Variants in PDE4B observed in about 807,000 individuals in gnomAD.
PDE4B encodes the protein phosphodiesterase 4B.
PDE4B carries 20 observed loss-of-function variants against 82.2 expected under a neutral mutation model. The observed-to-expected ratio is 0.24, with a 90% CI of 0.17 to 0.35. The LOEUF is 0.35. PDE4B is among the 10% of genes least tolerant of loss of function. PDE4B has a pLI of 1.00. For synonymous variants in PDE4B, 320 were observed against 318.9 expected, an observed-to-expected ratio of 1.00 and a Z score of -0.04; for missense variants, 655 against 907.2, an observed-to-expected ratio of 0.72 and a Z score of 3.57.
intron 1 of PDE4B, among the ~76,000 whole-genome samples, chr1:65,845,950 C>T (rs1253519442): frequency 3.3e-5 from 5 of 152,186 alleles, no homozygotes; most frequent in African/African-American, 1.2e-4. Context: ...CAAAGCCACA[C>T]TGTATCTTAG....
intron 3 of PDE4B, among the ~76,000 whole-genome samples, chr1:66,241,304 G>A (rs1652871877): frequency 6.6e-6 from 1 of 152,194 alleles, no homozygotes; most frequent in East Asian, 1.9e-4. Context: ...AGGACTGGCT[G>A]CAGCCTGCAG....
At chr1:66,012,921 TCA>T (rs1652565911) in intron 3 of PDE4B, among the ~76,000 whole-genome samples, 1 of 152,124 alleles carries the variant, frequency 6.6e-6, no homozygotes, top group Non-Finnish European at 1.5e-5. Flanking sequence ...CATTTAATCC[TCA>T]CAGTAACTTT....
At position 66,275,736 on chromosome 1, in the gene PDE4B, C is replaced by T. The variant is rs528566248; in HGVS notation, c.634+9649C>T. ...ATGAAGTTGCCTCCAGAACTGTTCT[C>T]GGAAGCCAGGAGCATTTCAGGGAAC... On this transcript the variant is annotated intron_variant, in intron 7 of 16. Transcript: ENST00000341517. 3.2e-4 allele frequency among the ~76,000 whole-genome samples: 49 copies of T among 152,240 alleles called. No homozygotes were observed. The South Asian group carries it at 3.7e-3, about 12-fold the overall frequency.
intron 4 of PDE4B, chr1:66,257,437 T>G (rs765949284): frequency 2.6e-6 from 2 of 755,218 alleles, no homozygotes; most frequent in Non-Finnish European, 4.9e-6. Context: ...CACTGTAAAT[T>G]CAGGAGTCAT....
At chr1:66,300,883 T>A (rs1657842461) in intron 7 of PDE4B, among the ~76,000 whole-genome samples, 1 of 152,222 alleles carries the variant, frequency 6.6e-6, no homozygotes, top group Non-Finnish European at 1.5e-5. Context: ...TCTGTTTTTC[T>A]GACTTTCTTA....
In PDE4B at chr1:66,031,314, T is replaced by A. The variant is rs193159103; in HGVS notation, c.281+112479T>A. 3.9e-5 allele frequency among the ~76,000 whole-genome samples: 6 copies of A among 152,292 alleles called. No individual in the cohort carries two copies. The East Asian group carries it at 1.2e-3, about 29-fold the overall frequency. Reference sequence around the variant, plus strand: ...CTTTCTTTTTATTCTCACCTCTCATTCCTTTATAGAGAAGAGCAATGGAAA... The same window carrying A: ...CTTTCTTTTTATTCTCACCTCTCATACCTTTATAGAGAAGAGCAATGGAAA... On this transcript the variant is annotated intron_variant, in intron 3 of 16. Coordinates refer to ENST00000341517, the MANE Select transcript of PDE4B (RefSeq NM_002600.4).
chr1:65,847,748 A>C lies in PDE4B; in HGVS notation c.-71+54500A>C, dbSNP rs867799297. On this transcript the variant is annotated intron_variant, in intron 1 of 16. Coordinates refer to ENST00000341517, the MANE Select transcript of PDE4B (RefSeq NM_002600.4). ...GAAGGTATTAAGGGAAAGTCCGGAAAGGTGGCAGTTCTTTAGTATACTATC... is the reference window on the plus strand; with the variant it reads ...GAAGGTATTAAGGGAAAGTCCGGAACGGTGGCAGTTCTTTAGTATACTATC... 1.4e-4 allele frequency among the ~76,000 whole-genome samples: 21 copies of C among 152,338 alleles called. 1 individual carries two copies. The highest frequency in any genetic ancestry group is 3.4e-3 in the Middle Eastern group (1 of 294).
intron 7 of PDE4B, among the ~76,000 whole-genome samples, chr1:66,325,776 G>A (rs1357927118): frequency 6.6e-6 from 1 of 152,156 alleles, no homozygotes; most frequent in Non-Finnish European, 1.5e-5. Flanking sequence ...ATATCATCAG[G>A]AAAGTGACCC....
intron 3 of PDE4B, among the ~76,000 whole-genome samples, chr1:66,101,649 C>T (rs1206478716): frequency 6.6e-6 from 1 of 152,162 alleles, no homozygotes; most frequent in East Asian, 1.9e-4. Flanking sequence ...AGTGTCTGTT[C>T]ATATCCTTTG....
intron 8 of PDE4B, among the ~76,000 whole-genome samples, chr1:66,334,977 A>G (rs1279122102): frequency 6.6e-6 from 1 of 152,196 alleles, no homozygotes; most frequent in East Asian, 1.9e-4. Context: ...TTCTTTGGGA[A>G]CTGAATTATC....
chr1:66,077,958 A>G (rs995090224), intron 3 of PDE4B, among the ~76,000 whole-genome samples: 1 of 152,196 alleles, frequency 6.6e-6, no homozygotes, highest in Non-Finnish European at 1.5e-5. Context: ...ATTTCTCACA[A>G]TGGTAGCCAG....
At chr1:66,059,334 C>A (rs933296913) in intron 3 of PDE4B, among the ~76,000 whole-genome samples, 4 of 152,208 alleles carry the variant, frequency 2.6e-5, no homozygotes, top group African/African-American at 9.7e-5. Flanking sequence ...CCAAACTGTT[C>A]CAACCTCTGC....
At chr1:65,858,849 A>G (rs1029213132) in intron 1 of PDE4B, among the ~76,000 whole-genome samples, 2 of 152,152 alleles carry the variant, frequency 1.3e-5, no homozygotes, top group African/African-American at 2.4e-5. Context: ...TTTTGTTTTA[A>G]TAGGGTGGTT....
At chr1:66,071,136 A>G (rs534933716) in intron 3 of PDE4B, among the ~76,000 whole-genome samples, 1 of 152,100 alleles carries the variant, frequency 6.6e-6, no homozygotes, top group Non-Finnish European at 1.5e-5. Context: ...TAATAATATT[A>G]AGAGAGGGTC....
At chr1:66,027,591 A>T (rs1238953193) in intron 3 of PDE4B, among the ~76,000 whole-genome samples, 1 of 152,194 alleles carries the variant, frequency 6.6e-6, no homozygotes, top group African/African-American at 2.4e-5. Flanking sequence ...CTCACCTGAG[A>T]CAAGGCAAGT....
At chr1:65,945,028 G>A (rs1324607250) in intron 3 of PDE4B, among the ~76,000 whole-genome samples, 3 of 151,972 alleles carry the variant, frequency 2.0e-5, no homozygotes, top group Non-Finnish European at 4.4e-5. Context: ...GAAATAGGCA[G>A]CACATATATT....
chr1:65,945,925 G>C (rs1260031393), intron 3 of PDE4B, among the ~76,000 whole-genome samples: 1 of 151,904 alleles, frequency 6.6e-6, no homozygotes, highest in African/African-American at 2.4e-5. Flanking sequence ...TTATTTCAAG[G>C]CTGTAACCAG....
At chr1:66,002,986 T>G (rs756569952) in intron 3 of PDE4B, among the ~76,000 whole-genome samples, 1 of 152,172 alleles carries the variant, frequency 6.6e-6, no homozygotes, top group Non-Finnish European at 1.5e-5. Context: ...ATGTTACTGT[T>G]TAATTATCTG....
At chr1:66,148,808 G>T (rs1646325609) in intron 3 of PDE4B, among the ~76,000 whole-genome samples, 1 of 151,994 alleles carries the variant, frequency 6.6e-6, no homozygotes, top group Non-Finnish European at 1.5e-5. Flanking sequence ...ATGTTTTTAG[G>T]GTTTATTCAT....
Sources: allele counts gnomAD v4.1 joint callset (sites outside exome capture counted in the v4.1 genomes callset), GRCh38; gene constraint gnomAD v4.1.1; transcripts MANE v1.5; gene names NCBI Gene and HGNC (gene_info 2026-07-23, HGNC 2026-07-21).